Variants in CBR4 observed in about 807,000 individuals in gnomAD.
The protein encoded by CBR4 is carbonyl reductase 4.
CBR4 carries 22 observed loss-of-function variants against 21.0 expected under a neutral mutation model. The ratio of observed to expected loss-of-function variants is 1.05; its 90% CI spans 0.75 to 1.50. The LOEUF is 1.50. CBR4 is among the 40% of genes most tolerant of loss of function. The probability of loss-of-function intolerance (pLI) is 0.00; values close to 1 mark genes in which losing one functional copy is unlikely to be tolerated. For missense variants in CBR4, 302 were observed against 286.3 expected (o/e 1.05, Z -0.40); for synonymous variants, 100 against 104.4 (o/e 0.96, Z 0.26).
At chr4:168,953,949 T>C (rs1382615841) in intron 2 of CBR4, among the ~76,000 whole-genome samples, 2 of 152,048 alleles carry the variant, frequency 1.3e-5, no homozygotes, top group African/African-American at 2.4e-5. Flanking sequence ...ATAAGGAATA[T>C]TTAGAAAAGG....
At chr4:168,964,650 C>G (rs1314443909) in intron 2 of CBR4, among the ~76,000 whole-genome samples, 1 of 152,100 alleles carries the variant, frequency 6.6e-6, no homozygotes, top group Non-Finnish European at 1.5e-5. Flanking sequence ...AGAAATAACT[C>G]TAATGGAGGA....
chr4:168,976,985 C>A (rs1228921380), intron 2 of CBR4, among the ~76,000 whole-genome samples: 1 of 152,236 alleles, frequency 6.6e-6, no homozygotes. Context: ...CGGAAGCCAA[C>A]TTTTCCCCCC....
intron 2 of CBR4, among the ~76,000 whole-genome samples, chr4:168,972,142 G>C (rs1240518064): frequency 6.6e-6 from 1 of 151,982 alleles, no homozygotes; most frequent in African/African-American, 2.4e-5. Context: ...CTGTTCCATT[G>C]GTCTATATTT....
At chr4:168,934,282 C>CAAAAAAAAAAAAAAA (rs60538970) in intron 2 of CBR4, among the ~76,000 whole-genome samples, 14 of 18,198 alleles carry the variant, frequency 7.7e-4, no homozygotes, top group Non-Finnish European at 1.3e-3. Context: ...GCAAAAAAAA[C>CAAAAAAAAAAAAAAA]AAAAAAAAAA....
At chr4:168,929,788 A>C (rs1481885510) in intron 2 of CBR4, among the ~76,000 whole-genome samples, 1 of 152,186 alleles carries the variant, frequency 6.6e-6, no homozygotes, top group Admixed American at 6.6e-5. Context: ...GCTGCTGTGA[A>C]GATTATATGG....
At chr4:168,944,609 A>T (rs1423985855) in intron 2 of CBR4, among the ~76,000 whole-genome samples, 2 of 152,234 alleles carry the variant, frequency 1.3e-5, no homozygotes, top group Non-Finnish European at 2.9e-5. Flanking sequence ...CATAAGGGAT[A>T]GTTTAATAAT....
At chr4:168,979,642 A>G (rs1764481036) in intron 2 of CBR4, among the ~76,000 whole-genome samples, 1 of 152,098 alleles carries the variant, frequency 6.6e-6, no homozygotes, top group East Asian at 1.9e-4. Context: ...AGCATGTCGC[A>G]GCCACCACAG....
chr4:168,990,850 C>T (rs754926871), intron 4 of CBR4, among the ~76,000 whole-genome samples: 3 of 152,016 alleles, frequency 2.0e-5, no homozygotes, highest in South Asian at 2.1e-4. Flanking sequence ...GGCAGGAGTT[C>T]GAGACCAGCC....
chr4:168,989,655 C>T lies in CBR4; in HGVS notation c.*495G>A. 1.0e-6 allele frequency: 1 copy of T among 984,340 alleles called. No homozygotes were observed. The highest frequency in any genetic ancestry group is 1.2e-6 in the Non-Finnish European group (1 of 829,022). 61.0% of individuals were successfully genotyped at this position (984,340 alleles called of 1,614,324 possible). ...AACTTTTAGAAAATTCAGCTTGATACAAGAAAATAATTCATCATAATTAGA... is the reference window on the plus strand; with the variant it reads ...AACTTTTAGAAAATTCAGCTTGATATAAGAAAATAATTCATCATAATTAGA... On this transcript the variant is annotated 3_prime_UTR_variant, in exon 5 of 5. Coordinates refer to ENST00000306193, the MANE Select transcript of CBR4 (RefSeq NM_032783.5).
chr4:168,901,717 G>A (rs1756559395), intron 2 of CBR4, among the ~76,000 whole-genome samples: 2 of 152,182 alleles, frequency 1.3e-5, no homozygotes, highest in Admixed American at 1.3e-4. Flanking sequence ...CATTAGCTGA[G>A]CATGGAGGCG....
chr4:168,972,482 T>G (rs139385275), intron 2 of CBR4, among the ~76,000 whole-genome samples: 1 of 152,214 alleles, frequency 6.6e-6, no homozygotes, highest in Non-Finnish European at 1.5e-5. Context: ...GTTTTCCTTG[T>G]AGAGATCTTA....
intron 2 of CBR4, among the ~76,000 whole-genome samples, chr4:168,914,929 A>G (rs987744113): frequency 6.6e-6 from 1 of 151,928 alleles, no homozygotes; most frequent in South Asian, 2.1e-4. Context: ...TAACTTCATC[A>G]TGGCAATACC....
At chr4:168,935,563 C>A (rs1273423417) in intron 2 of CBR4, among the ~76,000 whole-genome samples, 2 of 152,132 alleles carry the variant, frequency 1.3e-5, no homozygotes. Context: ...TGGGACACCC[C>A]AGCTTGGTGA....
chr4:168,964,492 G>A, intron 2 of CBR4, among the ~76,000 whole-genome samples: 1 of 152,120 alleles, frequency 6.6e-6, no homozygotes, highest in East Asian at 1.9e-4. Flanking sequence ...TTCTCTCTTT[G>A]GTAAGCAGTG....
intron 4 of CBR4, among the ~76,000 whole-genome samples, chr4:168,991,946 T>C (rs1764946456): frequency 6.6e-6 from 1 of 152,194 alleles, no homozygotes; most frequent in Non-Finnish European, 1.5e-5. Flanking sequence ...GCTCAAACTA[T>C]AGATAAACCT....
Position 169,002,084 on chromosome 4 carries a change from A to C in CBR4, c.522T>G (p.Asn174Lys). The C allele has an allele frequency of 6.3e-7, 1 of 1,585,270 alleles. No individual in the cohort carries two copies. Among genetic ancestry groups the C allele is most frequent in the Non-Finnish European group, 8.6e-7 (1 of 1,169,538 alleles). ...GTTTTCACTAACCTGGTGCAACTACATTCACTCTAATTTTCTTTCTTGCTA... is the reference window on the plus strand; with the variant it reads ...GTTTTCACTAACCTGGTGCAACTACCTTCACTCTAATTTTCTTTCTTGCTA... ...KEVARKKIRV[N>K]VVAPGFVHTD... is the part of the protein sequence containing the mutation. The change falls in exon 4 of 5, where the codon AAT becomes AAG. Residue 174 changes from asparagine to lysine, a missense_variant. Coordinates refer to ENST00000306193, the MANE Select transcript of CBR4 (RefSeq NM_032783.5).
intron 4 of CBR4, 116 bp from the exon 5 acceptor site, chr4:168,990,444 A>AT (rs1164643222): frequency 1.9e-3 from 1,992 of 1,052,750 alleles, no homozygotes; most frequent in Middle Eastern, 3.1e-3. Flanking sequence ...TTTAAAAAAA[A>AT]ATTTTTTTTT....
chr4:168,950,944 CT>C (rs1763523155), intron 2 of CBR4, among the ~76,000 whole-genome samples: 1 of 152,120 alleles, frequency 6.6e-6, no homozygotes, highest in Admixed American at 6.5e-5. Flanking sequence ...CATGAAATGC[CT>C]TTTTCCCCCG....
In CBR4 at chr4:168,935,745, A is replaced by G. The variant is rs755024191; in HGVS notation, n.170-40980T>C. The stretch of plus-strand genomic sequence containing the variant: ...TCTCTGGGCAGGGAATCTCTGAAAG[A>G]AAGGCAGCAGTCCCAGTCAGGGGCT... On this transcript the variant is annotated intron_variant and non_coding_transcript_variant, in intron 2 of 3. Coordinates refer to the CBR4 transcript ENST00000509108. Among the ~76,000 whole-genome samples the G allele has an allele frequency of 1.1e-3, 169 of 152,326 alleles. 1 individual carries two copies. The highest frequency in any genetic ancestry group is 1.9e-3 in the Non-Finnish European group (130 of 68,020).
Sources: allele counts gnomAD v4.1 joint callset (sites outside exome capture counted in the v4.1 genomes callset), GRCh38; gene constraint gnomAD v4.1.1; transcripts MANE v1.5; gene names NCBI Gene and HGNC (gene_info 2026-07-23, HGNC 2026-07-21).